PREP: variants seen among roughly 807,000 people sequenced by gnomAD.
The protein encoded by PREP is prolyl endopeptidase.
PREP carries 29 observed loss-of-function variants against 87.6 expected under a neutral mutation model. The ratio of observed to expected loss-of-function variants is 0.33; its 90% CI spans 0.25 to 0.45. PREP has a LOEUF of 0.45. Ranked by LOEUF, PREP falls within the 20% of genes least tolerant of loss-of-function variation. PREP has a pLI of 1.00. For missense variants in PREP, 695 were observed against 886.5 expected, an observed-to-expected ratio of 0.78 and a Z score of 2.74; for synonymous variants, 337 against 328.6, an observed-to-expected ratio of 1.03 and a Z score of -0.28.
chr6:105,312,574 C>T (rs1229748280), intron 10 of PREP, among the ~76,000 whole-genome samples: 1 of 152,172 alleles, frequency 6.6e-6, no homozygotes, highest in Non-Finnish European at 1.5e-5. Context: ...GAAGCCAGCA[C>T]CACTTCTCAG....
intron 10 of PREP, among the ~76,000 whole-genome samples, chr6:105,291,714 A>T (rs776219845): frequency 1.8e-4 from 28 of 152,140 alleles, no homozygotes; most frequent in Non-Finnish European, 4.0e-4. Flanking sequence ...ATGTTTAATA[A>T]ACTCCTGTCC....
intron 6 of PREP, among the ~76,000 whole-genome samples, chr6:105,365,408 A>G (rs778356843): frequency 1.4e-4 from 21 of 152,186 alleles, no homozygotes; most frequent in Middle Eastern, 3.4e-3. Context: ...GCTTTATCAC[A>G]CTTCTTGAAG....
intron 6 of PREP, among the ~76,000 whole-genome samples, chr6:105,360,013 C>T (rs1035474898): frequency 1.3e-5 from 2 of 152,174 alleles, no homozygotes; most frequent in East Asian, 1.9e-4. Flanking sequence ...TGTAAGGCAT[C>T]GCTAATATCC....
At position 105,340,845 on chromosome 6, in the gene PREP, C is replaced by T. The variant is rs6901319; in HGVS notation, c.824-7340G>A. ...AATTCAACAAGAAGAGCTAACTATCCTAAATATATATGCACCCAATACAGG... is the reference window on the plus strand; with the variant it reads ...AATTCAACAAGAAGAGCTAACTATCTTAAATATATATGCACCCAATACAGG... On this transcript the variant is annotated intron_variant, in intron 7 of 14. Coordinates refer to ENST00000652536, the MANE Select transcript of PREP (RefSeq NM_002726.5). 4.8e-3 allele frequency among the ~76,000 whole-genome samples: 737 copies of T among 152,232 alleles called. 8 individuals are homozygous for T. Among genetic ancestry groups the T allele is most frequent in the African/African-American group, 0.017 (697 of 41,532 alleles).
Position 105,376,205 on chromosome 6 carries a change from ACATATAATACTCG to A in PREP, c.292_304del (p.Arg98TyrfsTer5). The stretch of plus-strand genomic sequence containing the variant: ...GGCCTCACCCTCTAAGGAATCCTGT[ACATATAATACTCG>A]CTGGTTCTGCAAACCTGTATTGTAA... On this transcript the variant is annotated frameshift_variant, in exon 4 of 15. Transcript: ENST00000652536. LOFTEE classifies it high-confidence loss of function. The A allele has an allele frequency of 6.2e-7, 1 of 1,613,852 alleles. No homozygotes were observed. The highest frequency in any genetic ancestry group is 8.5e-7 in the Non-Finnish European group (1 of 1,179,770).
intron 10 of PREP, among the ~76,000 whole-genome samples, chr6:105,297,820 A>AC (rs1770440758): frequency 6.6e-6 from 1 of 151,940 alleles, no homozygotes; most frequent in South Asian, 2.1e-4. Flanking sequence ...AGGAGCCTGG[A>AC]CCTGGCACCC....
chr6:105,338,748 C>A (rs1583065212), intron 7 of PREP, among the ~76,000 whole-genome samples: 1 of 152,230 alleles, frequency 6.6e-6, no homozygotes, highest in Admixed American at 6.5e-5. Flanking sequence ...ATATCCCGCC[C>A]CTGGCTCGGA....
At chr6:105,382,979 G>A (rs1036010341) in intron 2 of PREP, among the ~76,000 whole-genome samples, 1 of 152,132 alleles carries the variant, frequency 6.6e-6, no homozygotes, top group African/African-American at 2.4e-5. Context: ...AGGCATGGGC[G>A]GCACACTTGG....
chr6:105,402,797 G>T (rs1195700144), intron 1 of PREP, 50 bp downstream of exon 1: 2 of 1,492,604 alleles, frequency 1.3e-6, no homozygotes, highest in Admixed American at 2.0e-5. Context: ...GGTCAGGCAG[G>T]CTGGGCACCT....
At chr6:105,337,342 G>A (rs944134196) in intron 7 of PREP, among the ~76,000 whole-genome samples, 1 of 152,192 alleles carries the variant, frequency 6.6e-6, no homozygotes, top group Non-Finnish European at 1.5e-5. Context: ...CAACCAACCT[G>A]ACAGCACTAT....
rs1195165928 is a variant in PREP at position 105,277,002 on chromosome 6, G to GA, written c.*1141dup. ...TATCATCTGATAAAGCAAGACAAAG[G>GA]AAAAAAAACTGTTTTAAGTTAGATC... is the stretch of plus-strand genomic sequence containing the variant. On this transcript the variant is annotated 3_prime_UTR_variant, in exon 15 of 15. Transcript: ENST00000652536. Among the ~76,000 whole-genome samples the GA allele has an allele frequency of 6.6e-6, 1 of 150,844 alleles. No individual in the cohort carries two copies. Among genetic ancestry groups the GA allele is most frequent in the Non-Finnish European group, 1.5e-5 (1 of 67,696 alleles).
chr6:105,308,433 G>A (rs896724790), intron 10 of PREP, among the ~76,000 whole-genome samples: 3 of 152,022 alleles, frequency 2.0e-5, no homozygotes, highest in Non-Finnish European at 4.4e-5. Flanking sequence ...AGCATGCTAG[G>A]AAAATAGACA....
intron 9 of PREP, among the ~76,000 whole-genome samples, chr6:105,326,259 G>A (rs1442010334): frequency 1.3e-5 from 2 of 152,094 alleles, no homozygotes; most frequent in African/African-American, 2.4e-5. Flanking sequence ...ATTACAACAC[G>A]CAGGTCTGGA....
intron 7 of PREP, among the ~76,000 whole-genome samples, chr6:105,349,445 T>C (rs1771883966): frequency 6.6e-6 from 1 of 152,214 alleles, no homozygotes; most frequent in South Asian, 2.1e-4. Context: ...CCCTATGTGC[T>C]TTTTAAAAAG....
intron 4 of PREP, among the ~76,000 whole-genome samples, chr6:105,375,107 G>A (rs560512781): frequency 1.3e-5 from 2 of 152,022 alleles, no homozygotes; most frequent in Non-Finnish European, 2.9e-5. Flanking sequence ...TCTTATTTTC[G>A]ATACTGGTTC....
chr6:105,297,275 A>C (rs1467734116), intron 10 of PREP, among the ~76,000 whole-genome samples: 2 of 152,192 alleles, frequency 1.3e-5, no homozygotes, highest in East Asian at 3.9e-4. Flanking sequence ...CTACTTCACT[A>C]GCATCATGAC....
Position 105,275,362 on chromosome 6 carries a change from A to G in PREP, c.*2782T>C, listed in dbSNP as rs896613380. Reference sequence around the variant, plus strand: ...GCTTTAGTGGGAGTATTTAAGAAACATGATTAATTGGAAAGTTTTATAATA... The same window carrying G: ...GCTTTAGTGGGAGTATTTAAGAAACGTGATTAATTGGAAAGTTTTATAATA... On this transcript the variant is annotated 3_prime_UTR_variant, in exon 15 of 15. Coordinates refer to ENST00000652536, the MANE Select transcript of PREP (RefSeq NM_002726.5). Among the ~76,000 whole-genome samples the G allele has an allele frequency of 2.0e-5, 3 of 152,334 alleles. No individual in the cohort carries two copies. Among genetic ancestry groups the G allele is most frequent in the East Asian group, 1.9e-4 (1 of 5,186 alleles).
Position 105,376,112 on chromosome 6 carries a change from G to GT in PREP, c.385+12dup, listed in dbSNP as rs756176588. 6.2e-7 allele frequency: 1 copy of GT among 1,612,028 alleles called. No individual in the cohort carries two copies. The highest frequency in any genetic ancestry group is 1.1e-5 in the South Asian group (1 of 90,688). ...TCTTAGGAGTTCCACGGGCCTCTCT[G>GT]TGTAGCACTTACCTCGGAGTGCCAC... On this transcript the variant is annotated intron_variant, in intron 4 of 14. Transcript: ENST00000652536.
chr6:105,292,450 T>C (rs1158954373), intron 10 of PREP, among the ~76,000 whole-genome samples: 1 of 152,164 alleles, frequency 6.6e-6, no homozygotes, highest in East Asian at 1.9e-4. Context: ...AAGGAATCTT[T>C]TTTCTGAGAA....
Sources: gnomAD v4.1 joint callset for allele counts (sites outside exome capture counted in the v4.1 genomes callset) on GRCh38, gnomAD v4.1.1 for gene constraint, MANE v1.5 for transcripts, NCBI Gene and HGNC (gene_info 2026-07-23, HGNC 2026-07-21) for gene names.